Variants in GPC6 observed in about 807,000 individuals in gnomAD.
GPC6 encodes the protein glypican 6.
Under a neutral mutation model 55.2 loss-of-function variants are expected in GPC6, and 14 were observed. That is an observed-to-expected ratio of 0.25 (90% CI 0.17 to 0.40). GPC6 has a LOEUF of 0.40. Ranked by LOEUF, GPC6 falls within the 10% of genes least tolerant of loss-of-function variation. GPC6 has a pLI of 1.00. For missense variants in GPC6, 641 were observed against 708.5 expected (o/e 0.90, Z 1.08); for synonymous variants, 278 against 259.6 (o/e 1.07, Z -0.68).
Position 93,539,385 on chromosome 13 carries a change from A to G in GPC6, c.161-5878A>G, listed in dbSNP as rs559625302. 3.3e-4 allele frequency among the ~76,000 whole-genome samples: 51 copies of G among 152,250 alleles called. 1 individual carries two copies. In the South Asian group the frequency reaches 7.7e-3, roughly 23 times the overall value. On this transcript the variant is annotated intron_variant, in intron 1 of 8. Coordinates refer to ENST00000377047, the MANE Select transcript of GPC6 (RefSeq NM_005708.5). ...ATGATCGGGAATACCCTTGTAGTTG[A>G]ACAGGTTTAGTTATAATTTATTGCA...
chr13:93,581,462 C>CT (rs749910379), intron 2 of GPC6, among the ~76,000 whole-genome samples: 90 of 152,288 alleles, frequency 5.9e-4, no homozygotes, highest in Admixed American at 1.0e-3. Context: ...AATCCCAACA[C>CT]TTTGAGAGGC....
At chr13:93,370,072 T>A (rs1159497563) in intron 1 of GPC6, among the ~76,000 whole-genome samples, 1 of 152,138 alleles carries the variant, frequency 6.6e-6, no homozygotes, top group Non-Finnish European at 1.5e-5. Context: ...TGCCCAGAGT[T>A]TATGGGTAGA....
At chr13:93,693,062 C>A (rs1882314371) in intron 2 of GPC6, among the ~76,000 whole-genome samples, 1 of 151,990 alleles carries the variant, frequency 6.6e-6, no homozygotes, top group Non-Finnish European at 1.5e-5. Flanking sequence ...TAATAAATAG[C>A]AAGATAGAGG....
chr13:93,805,056 T>C (rs1198889179), intron 2 of GPC6, among the ~76,000 whole-genome samples: 1 of 152,126 alleles, frequency 6.6e-6, no homozygotes, highest in Non-Finnish European at 1.5e-5. Flanking sequence ...ATTCTTTCTT[T>C]AACAAAAAAT....
chr13:94,197,043 A>G (rs1029049978), intron 4 of GPC6, among the ~76,000 whole-genome samples: 2 of 150,546 alleles, frequency 1.3e-5, no homozygotes, highest in African/African-American at 4.9e-5. Flanking sequence ...GGTTTTTTTT[A>G]ACACATTGAT....
chr13:93,876,115 TA>T (rs1163429796), intron 3 of GPC6, among the ~76,000 whole-genome samples: 2 of 152,032 alleles, frequency 1.3e-5, no homozygotes, highest in Non-Finnish European at 2.9e-5. Flanking sequence ...GTAAGAATTA[TA>T]CTAGACATAG....
chr13:93,256,339 T>C (rs1876952651), intron 1 of GPC6, among the ~76,000 whole-genome samples: 1 of 151,272 alleles, frequency 6.6e-6, no homozygotes, highest in Admixed American at 6.6e-5. Flanking sequence ...AGATCGTCAT[T>C]TTTTTTTTCC....
chr13:93,697,747 T>A (rs375723271), intron 2 of GPC6, among the ~76,000 whole-genome samples: 1 of 152,160 alleles, frequency 6.6e-6, no homozygotes, highest in East Asian at 1.9e-4. Flanking sequence ...TGTGATTAGA[T>A]CATACGTTGA....
intron 4 of GPC6, among the ~76,000 whole-genome samples, chr13:94,111,534 T>C (rs1426941302): frequency 6.6e-6 from 1 of 150,620 alleles, no homozygotes; most frequent in African/African-American, 2.4e-5. Flanking sequence ...TTAAAAAAAC[T>C]CTATTTACTC....
intron 5 of GPC6, among the ~76,000 whole-genome samples, chr13:94,287,554 A>G (rs1892564654): frequency 6.6e-6 from 1 of 152,114 alleles, no homozygotes; most frequent in African/African-American, 2.4e-5. Flanking sequence ...AGAAGAAAGA[A>G]TCTGGCCTGG....
intron 1 of GPC6, among the ~76,000 whole-genome samples, chr13:93,507,744 C>T (rs763186718): frequency 2.9e-4 from 44 of 151,978 alleles, no homozygotes; most frequent in African/African-American, 6.0e-4. Flanking sequence ...GAATGTTTTT[C>T]GAGGTAGGTG....
intron 3 of GPC6, among the ~76,000 whole-genome samples, chr13:93,907,675 C>T (rs764689883): frequency 1.3e-5 from 2 of 152,080 alleles, no homozygotes; most frequent in Non-Finnish European, 2.9e-5. Context: ...GACAGAGGTG[C>T]GACCAGACCA....
chr13:93,893,688 G>A (rs1875824572), intron 3 of GPC6, among the ~76,000 whole-genome samples: 1 of 152,150 alleles, frequency 6.6e-6, no homozygotes, highest in Non-Finnish European at 1.5e-5. Context: ...AGTTTCAGGT[G>A]GAAAAAGGAT....
At chr13:93,737,426 A>G (rs1418457375) in intron 2 of GPC6, among the ~76,000 whole-genome samples, 2 of 152,312 alleles carry the variant, frequency 1.3e-5, no homozygotes, top group Middle Eastern at 3.4e-3. Context: ...AGGTACTTCA[A>G]TTAAAAACAA....
rs1042189618 is a variant in GPC6, at chr13:94,175,740, T to C, written c.878-110609T>C. 2.0e-5 allele frequency among the ~76,000 whole-genome samples: 3 copies of C among 151,110 alleles called. No individual in the cohort carries two copies. The East Asian group carries it at 5.8e-4, about 29-fold the overall frequency. The stretch of plus-strand genomic sequence containing the variant: ...TTCTCTGTATGGTTTTAATTTATAT[T>C]TCCTTGATAAGCATGATATTGAGCA... On this transcript the variant is annotated intron_variant, in intron 4 of 8. Coordinates refer to ENST00000377047, the MANE Select transcript of GPC6 (RefSeq NM_005708.5).
At chr13:93,559,574 A>G (rs7335851) in intron 2 of GPC6, among the ~76,000 whole-genome samples, 5,413 of 152,258 alleles carry the variant, frequency 0.036, 320 homozygotes, top group African/African-American at 0.12. Flanking sequence ...ATTTTTTCAG[A>G]TCACTGAAAA....
intron 3 of GPC6, among the ~76,000 whole-genome samples, chr13:93,910,107 C>A (rs933617537): frequency 5.0e-4 from 76 of 151,916 alleles, no homozygotes; most frequent in African/African-American, 1.8e-3. Context: ...TATGGTTTGG[C>A]TGTGTTCCCA....
At chr13:93,741,502 C>T (rs983264912) in intron 2 of GPC6, among the ~76,000 whole-genome samples, 1 of 152,100 alleles carries the variant, frequency 6.6e-6, no homozygotes, top group Non-Finnish European at 1.5e-5. Context: ...TCCTGTTTCT[C>T]ATGCTCATGC....
At chr13:94,051,892 A>G (rs1317098527) in intron 4 of GPC6, among the ~76,000 whole-genome samples, 1 of 152,236 alleles carries the variant, frequency 6.6e-6, no homozygotes, top group Non-Finnish European at 1.5e-5. Context: ...ATAGTAAAGC[A>G]TCATTAAATA....
Sources: allele counts gnomAD v4.1 joint callset (sites outside exome capture counted in the v4.1 genomes callset), GRCh38; gene constraint gnomAD v4.1.1; transcripts MANE v1.5; gene names NCBI Gene and HGNC (gene_info 2026-07-23, HGNC 2026-07-21).